The following RANBP2 variants were observed in gnomAD, a reference collection of about 807,000 sequenced individuals.
The protein encoded by RANBP2 is RAN binding protein 2, also known as E3 SUMO-protein ligase RanBP2.
In RANBP2, 57 loss-of-function variants were observed where a neutral mutation model predicts 303.6. The ratio of observed to expected loss-of-function variants is 0.19; its 90% CI spans 0.15 to 0.23. The LOEUF is 0.23. Ranked by LOEUF, RANBP2 falls within the 10% of genes least tolerant of loss-of-function variation. The pLI is 1.00. For missense variants in RANBP2, 3,138 were observed against 3,780.8 expected, an observed-to-expected ratio of 0.83 and a Z score of 4.46; for synonymous variants, 1,167 against 1,301.5, an observed-to-expected ratio of 0.90 and a Z score of 2.23.
At chr2:109,155,638 G>A in the RANBP2 span, among the ~76,000 whole-genome samples, 1 of 152,140 alleles carries the variant, frequency 6.6e-6, no homozygotes, top group Non-Finnish European at 1.5e-5. Context: ...GGCTATTTGT[G>A]ATTTATTTCA....
At chr2:108,835,481 A>G in the RANBP2 span, among the ~76,000 whole-genome samples, 3 of 152,182 alleles carry the variant, frequency 2.0e-5, no homozygotes, top group Admixed American at 2.0e-4. Flanking sequence ...TTCACCACTG[A>G]TAACAGCGAT....
At chr2:108,920,638 G>A in the RANBP2 span, among the ~76,000 whole-genome samples, 1 of 152,216 alleles carries the variant, frequency 6.6e-6, no homozygotes, top group Non-Finnish European at 1.5e-5. Context: ...AGCCAGGACT[G>A]ATCTGCAATC....
At chr2:109,398,548 C>T in the RANBP2 span, 1 of 1,492,684 alleles carries the variant, frequency 6.7e-7, no homozygotes, top group African/African-American at 1.4e-5. Flanking sequence ...TGGCATGTGA[C>T]CATGATTTAA....
At chr2:109,670,336 TG>T in the RANBP2 span, among the ~76,000 whole-genome samples, 16 of 14,652 alleles carry the variant, frequency 1.1e-3, no homozygotes, top group African/African-American at 3.5e-3. Flanking sequence ...GGGGGTTGGT[TG>T]GGGGGTGCTA....
At chr2:109,575,558 T>C in the RANBP2 span, among the ~76,000 whole-genome samples, 197 of 152,372 alleles carry the variant, frequency 1.3e-3, no homozygotes, top group African/African-American at 4.6e-3. Flanking sequence ...TCACAGTGCA[T>C]GTGCAGAGCA....
the RANBP2 span, among the ~76,000 whole-genome samples, chr2:109,275,087 TA>T: frequency 8.0e-5 from 12 of 150,866 alleles, no homozygotes; most frequent in African/African-American, 1.9e-4. Context: ...CTTCCACCAT[TA>T]AAAAAAAAGA....
intron 23 of RANBP2, among the ~76,000 whole-genome samples, chr2:108,775,403 T>C (rs970566742): frequency 9.8e-5 from 15 of 152,326 alleles, no homozygotes; most frequent in Admixed American, 9.1e-4. Flanking sequence ...CATTGGCAGT[T>C]CCAGTTTTTT....
At chr2:109,704,868 A>C in the RANBP2 span, among the ~76,000 whole-genome samples, 5 of 152,136 alleles carry the variant, frequency 3.3e-5, no homozygotes, top group Admixed American at 6.5e-5. Context: ...AAATTAAAGC[A>C]GGCATGTATA....
chr2:109,207,409 G>A, the RANBP2 span, among the ~76,000 whole-genome samples: 2 of 152,148 alleles, frequency 1.3e-5, no homozygotes, highest in African/African-American at 4.8e-5. Context: ...AAAAGTGACA[G>A]GCAAGAAGGC....
the RANBP2 span, among the ~76,000 whole-genome samples, chr2:108,961,999 G>A: frequency 6.6e-6 from 1 of 152,208 alleles, no homozygotes; most frequent in African/African-American, 2.4e-5. Context: ...GTCATGAGCT[G>A]TTTCTCCCAA....
chr2:109,544,081 G>A, the RANBP2 span: 6 of 1,390,648 alleles, frequency 4.3e-6, no homozygotes, highest in African/African-American at 1.5e-5. Context: ...TGAAGCTTCT[G>A]GATTTCAGAT....
At chr2:109,197,337 G>C in the RANBP2 span, among the ~76,000 whole-genome samples, 1 of 149,318 alleles carries the variant, frequency 6.7e-6, no homozygotes, top group Non-Finnish European at 1.5e-5. Flanking sequence ...GAGGGGTTAA[G>C]AAGGGAAGGG....
At chr2:109,107,040 C>A in the RANBP2 span, among the ~76,000 whole-genome samples, 1,106 of 150,220 alleles carry the variant, frequency 7.4e-3, 8 homozygotes, top group Non-Finnish European at 0.011. Flanking sequence ...TGGGTTCAAG[C>A]GATTCTTCTG....
chr2:109,505,633 C>A, the RANBP2 span, among the ~76,000 whole-genome samples: 3 of 152,310 alleles, frequency 2.0e-5, no homozygotes, highest in Admixed American at 2.0e-4. Flanking sequence ...ACTCTCCCTC[C>A]GGACAAGGCT....
chr2:109,480,142 A>G, the RANBP2 span, among the ~76,000 whole-genome samples: 7 of 152,236 alleles, frequency 4.6e-5, no homozygotes, highest in South Asian at 4.1e-4. Context: ...CAACACTTGC[A>G]TATCAACCAC....
chr2:109,687,741 ATTT>A, the RANBP2 span, among the ~76,000 whole-genome samples: 15 of 133,442 alleles, frequency 1.1e-4, no homozygotes, highest in African/African-American at 8.4e-5. Flanking sequence ...AGGTCAGGGG[ATTT>A]TTTTTTTTTT....
the RANBP2 span, among the ~76,000 whole-genome samples, chr2:109,731,186 A>C: frequency 1.3e-5 from 2 of 152,156 alleles, no homozygotes; most frequent in African/African-American, 4.8e-5. Flanking sequence ...GGATTTCAAC[A>C]TATGAGTTTT....
the RANBP2 span, among the ~76,000 whole-genome samples, chr2:108,861,828 C>A: frequency 6.6e-6 from 1 of 152,052 alleles, no homozygotes; most frequent in Admixed American, 6.6e-5. Flanking sequence ...TGAGCCACCG[C>A]GCCCAGCCTA....
the RANBP2 span, among the ~76,000 whole-genome samples, chr2:109,505,362 AT>A: frequency 1.3e-5 from 2 of 152,164 alleles, no homozygotes; most frequent in Non-Finnish European, 2.9e-5. Flanking sequence ...GCAAAGAGCC[AT>A]TTTACTCTAC....
Sources: allele counts gnomAD v4.1 joint callset (sites outside exome capture counted in the v4.1 genomes callset), GRCh38; gene constraint gnomAD v4.1.1; transcripts MANE v1.5; gene names NCBI Gene and HGNC (gene_info 2026-07-23, HGNC 2026-07-21).